TMCC1: variants seen among roughly 807,000 people sequenced by gnomAD.
The protein encoded by TMCC1 is transmembrane and coiled-coil domain family 1, also known as transmembrane and coiled-coil domains protein 1.
Under a neutral mutation model 52.4 loss-of-function variants are expected in TMCC1, and 15 were observed. The observed-to-expected ratio is 0.29, with a 90% CI of 0.19 to 0.44. TMCC1 has a LOEUF of 0.44. Among genes scored for constraint, TMCC1 ranks in the 20% least tolerant of loss-of-function variants. The pLI is 1.00. For missense variants in TMCC1, 503 were observed against 806.0 expected (o/e 0.62, Z 4.55); for synonymous variants, 279 against 301.9 (o/e 0.92, Z 0.79).
chr3:129,754,357 C>A (rs2052800407), intron 4 of TMCC1, among the ~76,000 whole-genome samples: 1 of 152,052 alleles, frequency 6.6e-6, no homozygotes, highest in African/African-American at 2.4e-5. Context: ...TCTTTTTATA[C>A]ATATATAAAG....
chr3:129,747,275 C>T lies in TMCC1; in HGVS notation c.577-76011G>A, dbSNP rs556364327. On this transcript the variant is annotated intron_variant, in intron 4 of 6. Transcript: ENST00000393238. ...AATGAAAACTATGCATTCTTTCTCCCGAAAAAAAATTCACACACATGCAAA... is the reference window on the plus strand; with the variant it reads ...AATGAAAACTATGCATTCTTTCTCCTGAAAAAAAATTCACACACATGCAAA... Among the ~76,000 whole-genome samples the T allele has an allele frequency of 2.1e-3, 312 of 151,836 alleles. 1 individual carries two copies. The highest frequency in any genetic ancestry group is 3.3e-3 in the Non-Finnish European group (224 of 67,942).
At chr3:129,796,063 C>A (rs957856363) in intron 4 of TMCC1, among the ~76,000 whole-genome samples, 3 of 152,150 alleles carry the variant, frequency 2.0e-5, no homozygotes, top group Admixed American at 6.5e-5. Flanking sequence ...CAGTCGTAAC[C>A]CACATGACAT....
chr3:129,875,813 T>TA (rs1443449470), intron 2 of TMCC1, among the ~76,000 whole-genome samples: 2 of 152,196 alleles, frequency 1.3e-5, no homozygotes, highest in Non-Finnish European at 2.9e-5. Context: ...CTGAGTATGC[T>TA]ACATAGACTG....
At chr3:129,740,862 C>T (rs1321131156) in intron 4 of TMCC1, among the ~76,000 whole-genome samples, 1 of 152,156 alleles carries the variant, frequency 6.6e-6, no homozygotes, top group African/African-American at 2.4e-5. Flanking sequence ...TACAGATAAA[C>T]TATTATTTGA....
intron 4 of TMCC1, among the ~76,000 whole-genome samples, chr3:129,758,460 CAATCTTGGTTGCTAAATCCAGAACCCA>C (rs1443303337): frequency 1.5e-4 from 23 of 152,268 alleles, no homozygotes; most frequent in Non-Finnish European, 2.9e-4. Flanking sequence ...ACTCCCGTAG[CAATCTTGGTTGCTAAATCCAGAACCCA>C]AATCTTGGTT....
chr3:129,812,633 G>T (rs1179756611), intron 4 of TMCC1, among the ~76,000 whole-genome samples: 1 of 151,984 alleles, frequency 6.6e-6, no homozygotes, highest in Non-Finnish European at 1.5e-5. Context: ...AGACACTAAG[G>T]TTATTGTTTT....
At chr3:129,888,990 G>A (rs558203362) in intron 1 of TMCC1, among the ~76,000 whole-genome samples, 1 of 152,040 alleles carries the variant, frequency 6.6e-6, no homozygotes, top group Non-Finnish European at 1.5e-5. Context: ...ACCTGACCAC[G>A]GCTGGACACA....
At chr3:129,870,425 T>C (rs1314958926) in intron 2 of TMCC1, among the ~76,000 whole-genome samples, 1 of 152,008 alleles carries the variant, frequency 6.6e-6, no homozygotes, top group Non-Finnish European at 1.5e-5. Context: ...AATTCTTCAA[T>C]TGTTTTTCAT....
intron 4 of TMCC1, among the ~76,000 whole-genome samples, chr3:129,724,267 A>G (rs2049901971): frequency 6.6e-6 from 1 of 152,248 alleles, no homozygotes; most frequent in Non-Finnish European, 1.5e-5. Flanking sequence ...TTAAGCAATA[A>G]GCACCCAAAA....
intron 2 of TMCC1, among the ~76,000 whole-genome samples, chr3:129,867,689 T>A (rs1393942595): frequency 6.6e-6 from 1 of 152,220 alleles, no homozygotes; most frequent in Admixed American, 6.5e-5. Flanking sequence ...GTGGCTTATT[T>A]CACAACACTT....
At chr3:129,712,425 A>T (rs979980958) in intron 4 of TMCC1, among the ~76,000 whole-genome samples, 1 of 152,194 alleles carries the variant, frequency 6.6e-6, no homozygotes, top group Non-Finnish European at 1.5e-5. Context: ...TAAAGACGCA[A>T]GTCTCTTTCT....
intron 4 of TMCC1, among the ~76,000 whole-genome samples, chr3:129,806,026 C>T (rs949706199): frequency 5.3e-5 from 8 of 152,092 alleles, no homozygotes; most frequent in South Asian, 2.1e-4. Context: ...AATAACAAAA[C>T]GTAAGTAATG....
intron 4 of TMCC1, among the ~76,000 whole-genome samples, chr3:129,737,814 A>G (rs1296212224): frequency 2.6e-5 from 4 of 152,168 alleles, no homozygotes; most frequent in Non-Finnish European, 5.9e-5. Flanking sequence ...TAATTTCTTG[A>G]TATCATCTAA....
chr3:129,846,086 T>C (rs1351034084), intron 2 of TMCC1, among the ~76,000 whole-genome samples: 1 of 151,384 alleles, frequency 6.6e-6, no homozygotes, highest in African/African-American at 2.4e-5. Flanking sequence ...ATGTGACATA[T>C]GTGGGGGCAA....
In TMCC1 at chr3:129,649,161, T is replaced by C. The variant is rs1353472383; in HGVS notation, c.*2320A>G. 3.3e-5 allele frequency: 5 copies of C among 152,140 alleles called. No homozygotes were observed. The highest frequency in any genetic ancestry group is 9.7e-5 in the African/African-American group (4 of 41,424). The allele number at this position is 152,140 out of a possible 1,614,324, so 9.4% of individuals were successfully genotyped here. A position where few individuals can be genotyped will look rare whatever the true frequency, so the allele number is the denominator to read the frequency against. Reference sequence around the variant, plus strand: ...CACAAAACTTAAGTCTTCAGGCAGTTTGGGGGACTCAAAGGTTCTAGCTTA... The same window carrying C: ...CACAAAACTTAAGTCTTCAGGCAGTCTGGGGGACTCAAAGGTTCTAGCTTA... On this transcript the variant is annotated 3_prime_UTR_variant, in exon 7 of 7. Transcript: ENST00000393238.
chr3:129,682,576 C>G (rs2089083798), intron 4 of TMCC1, among the ~76,000 whole-genome samples: 1 of 152,148 alleles, frequency 6.6e-6, no homozygotes, highest in Non-Finnish European at 1.5e-5. Context: ...CTGTGATACC[C>G]TCTCCAAGCT....
chr3:129,861,299 G>T (rs1054643117), intron 2 of TMCC1, among the ~76,000 whole-genome samples: 1 of 152,024 alleles, frequency 6.6e-6, no homozygotes, highest in Non-Finnish European at 1.5e-5. Context: ...ATTTAGCTGG[G>T]TGTGGTGGCG....
chr3:129,653,788 G>A (rs2310916), intron 6 of TMCC1, among the ~76,000 whole-genome samples: 150,107 of 152,310 alleles, frequency 0.99, 74,005 homozygotes, highest in East Asian at 1. Flanking sequence ...TAATTTAAAA[G>A]TCTATATTAC....
intron 4 of TMCC1, among the ~76,000 whole-genome samples, chr3:129,679,730 T>C (rs974379925): frequency 1.3e-5 from 2 of 152,226 alleles, no homozygotes; most frequent in African/African-American, 2.4e-5. Flanking sequence ...AAAACTAGAA[T>C]ATAAGGCCCA....
Sources: gnomAD v4.1 joint callset for allele counts (sites outside exome capture counted in the v4.1 genomes callset) on GRCh38, gnomAD v4.1.1 for gene constraint, MANE v1.5 for transcripts, NCBI Gene and HGNC (gene_info 2026-07-23, HGNC 2026-07-21) for gene names.